The following ISM1 variants were observed in gnomAD, a reference collection of about 807,000 sequenced individuals.
ISM1 encodes isthmin 1.
ISM1 carries 25 observed loss-of-function variants against 46.3 expected under a neutral mutation model. The observed-to-expected ratio is 0.54, with a 90% CI of 0.39 to 0.75. ISM1 has a LOEUF of 0.75. ISM1 is among the 30% of genes least tolerant of loss of function. The pLI is 0.00. For missense variants in ISM1, 536 were observed against 625.4 expected (o/e 0.86, Z 1.52); for synonymous variants, 255 against 256.7 (o/e 0.99, Z 0.06).
chr20:13,260,195 C>T (rs1231695846), intron 1 of ISM1, among the ~76,000 whole-genome samples: 2 of 152,196 alleles, frequency 1.3e-5, no homozygotes, highest in Admixed American at 1.3e-4. Context: ...TTCTCTTCAC[C>T]TCTGGCCATA....
the ISM1 span, among the ~76,000 whole-genome samples, chr20:13,309,566 T>C: frequency 6.6e-6 from 1 of 152,302 alleles, no homozygotes; most frequent in African/African-American, 2.4e-5. Context: ...TTACTGCTTA[T>C]ATTCAGCACA....
At chr20:13,253,973 C>T (rs1195577379) in intron 1 of ISM1, among the ~76,000 whole-genome samples, 2 of 150,950 alleles carry the variant, frequency 1.3e-5, no homozygotes, top group African/African-American at 4.9e-5. Context: ...ATCCCAGCAC[C>T]TTGGGAGGCC....
intron 3 of ISM1, among the ~76,000 whole-genome samples, chr20:13,285,128 T>C (rs940227286): frequency 6.6e-6 from 1 of 152,010 alleles, no homozygotes; most frequent in Non-Finnish European, 1.5e-5. Context: ...CTCTATAAAA[T>C]TTTTTTGAAA....
In ISM1 at chr20:13,257,240, C is replaced by T. The variant is rs533467338; in HGVS notation, c.139-13264C>T. 5.9e-5 allele frequency among the ~76,000 whole-genome samples: 9 copies of T among 152,254 alleles called. 1 individual carries two copies. In the South Asian group the frequency reaches 1.9e-3, roughly 32 times the overall value. The stretch of plus-strand genomic sequence containing the variant: ...CTTCTTTAAGAGAGTATCGGCCAGG[C>T]TCGATGGCTCATGCCTGTAATCCCA... On this transcript the variant is annotated intron_variant, in intron 1 of 5. Transcript: ENST00000262487.
chr20:13,304,957 C>T (rs1422396494), downstream of ISM1, among the ~76,000 whole-genome samples: 1 of 152,132 alleles, frequency 6.6e-6, no homozygotes, highest in Non-Finnish European at 1.5e-5. Flanking sequence ...GAGTGTGCTT[C>T]CAGGGGACCC....
intron 1 of ISM1, among the ~76,000 whole-genome samples, chr20:13,249,621 T>C (rs2039842578): frequency 6.6e-6 from 1 of 152,120 alleles, no homozygotes; most frequent in South Asian, 2.1e-4. Context: ...AGTCATAAAG[T>C]TGGTTTTAAT....
Position 13,288,615 on chromosome 20 carries a change from G to A in ISM1, c.719G>A (p.Arg240Gln), listed in dbSNP as rs778019270. The change falls in exon 4 of 6, where the codon CGG (arginine) becomes CAG (glutamine). Residue 240 changes from arginine to glutamine, a missense_variant. Around this residue, in one of 2 missense-constraint regions of ISM1, gnomAD observed 367 missense variants for 376.1 expected, o/e 0.98. Coordinates refer to ENST00000262487, the MANE Select transcript of ISM1 (RefSeq NM_080826.2). The part of the protein sequence containing the change: ...SVTCGNGNQK[R>Q]TRSCGYACTA... ...ACCTGCGGGAACGGCAACCAGAAAC[G>A]GACCCGGTCTTGTGGCTACGCGTGC... 82 of 1,613,876 alleles carry A rather than the reference G, an allele frequency of 5.1e-5. No homozygotes were observed. The highest frequency in any genetic ancestry group is 1.1e-5 in the Non-Finnish European group (13 of 1,179,896).
At chr20:13,321,251 C>CAAAAAAAAAAAAAAAAAAA in the ISM1 span, among the ~76,000 whole-genome samples, 2 of 23,710 alleles carry the variant, frequency 8.4e-5, no homozygotes, top group Middle Eastern at 0.02. Context: ...ATGTGCCCCA[C>CAAAAAAAAAAAAAAAAAAA]ATAAAAAAAA....
intron 1 of ISM1, among the ~76,000 whole-genome samples, chr20:13,235,806 G>A (rs770727900): frequency 2.0e-5 from 3 of 152,134 alleles, no homozygotes; most frequent in African/African-American, 4.8e-5. Context: ...ATAAGCCTGC[G>A]ACCACTTTCC....
intron 1 of ISM1, among the ~76,000 whole-genome samples, chr20:13,251,810 G>A (rs141526158): frequency 0.012 from 1,833 of 152,188 alleles, 46 homozygotes; most frequent in African/African-American, 0.042. Flanking sequence ...TTTTCTGTAC[G>A]CCACTGGGGA....
At chr20:13,324,985 G>A in the ISM1 span, among the ~76,000 whole-genome samples, 4 of 152,034 alleles carry the variant, frequency 2.6e-5, no homozygotes, top group Non-Finnish European at 4.4e-5. Context: ...GTTTCTTTTC[G>A]GCTTCTTATC....
At chr20:13,258,214 C>T (rs1460401148) in intron 1 of ISM1, among the ~76,000 whole-genome samples, 1 of 152,104 alleles carries the variant, frequency 6.6e-6, no homozygotes, top group Non-Finnish European at 1.5e-5. Flanking sequence ...ATTACATCAA[C>T]AGGCTCCCTT....
chr20:13,226,996 A>C (rs2123124869), intron 1 of ISM1, among the ~76,000 whole-genome samples: 1 of 152,320 alleles, frequency 6.6e-6, no homozygotes, highest in Non-Finnish European at 1.5e-5. Context: ...TAGAACCCAT[A>C]GTGCAAGGAC....
At chr20:13,258,387 C>T (rs1156282349) in intron 1 of ISM1, among the ~76,000 whole-genome samples, 1 of 152,120 alleles carries the variant, frequency 6.6e-6, no homozygotes, top group Non-Finnish European at 1.5e-5. Flanking sequence ...CCTGGCTTTA[C>T]TGGCCCTGGA....
the ISM1 span, among the ~76,000 whole-genome samples, chr20:13,317,901 C>T: frequency 8.2e-6 from 1 of 122,086 alleles, no homozygotes; most frequent in Non-Finnish European, 1.7e-5. Context: ...TTTTTAGGTA[C>T]AATACCAAAG....
chr20:13,315,024 T>C, the ISM1 span, among the ~76,000 whole-genome samples: 1 of 151,842 alleles, frequency 6.6e-6, no homozygotes, highest in Non-Finnish European at 1.5e-5. Flanking sequence ...TAAAAAAAAG[T>C]TTAAAAGGAA....
At chr20:13,321,550 T>C in the ISM1 span, among the ~76,000 whole-genome samples, 9 of 152,174 alleles carry the variant, frequency 5.9e-5, no homozygotes, top group African/African-American at 2.2e-4. Flanking sequence ...TTCCTCTGTC[T>C]GCCTAGGCCT....
At chr20:13,309,247 T>A in the ISM1 span, among the ~76,000 whole-genome samples, 1 of 151,006 alleles carries the variant, frequency 6.6e-6, no homozygotes, top group Non-Finnish European at 1.5e-5. Flanking sequence ...AGTGAGTGGG[T>A]GGAGGAGGGG....
intron 3 of ISM1, among the ~76,000 whole-genome samples, chr20:13,284,559 A>C (rs540249392): frequency 6.6e-6 from 1 of 152,346 alleles, no homozygotes; most frequent in South Asian, 2.1e-4. Context: ...TTATTATAGC[A>C]GAAAGGAGCA....
Sources: gnomAD v4.1 joint callset for allele counts (sites outside exome capture counted in the v4.1 genomes callset) on GRCh38, gnomAD v4.1.1 for gene constraint, gnomAD v4.1.1 regional missense constraint, MANE v1.5 for transcripts, NCBI Gene and HGNC (gene_info 2026-07-23, HGNC 2026-07-21) for gene names.